SUMF1: variants seen among roughly 807,000 people sequenced by gnomAD.
SUMF1 encodes formylglycine-generating enzyme.
Under a neutral mutation model 47.6 loss-of-function variants are expected in SUMF1, and 48 were observed. The observed-to-expected ratio is 1.01, with a 90% CI of 0.80 to 1.28. The LOEUF is 1.28. Ranked by LOEUF, SUMF1 falls within the 50% of genes most tolerant of loss-of-function variation. SUMF1 has a pLI of 0.00. For synonymous variants in SUMF1, 230 were observed against 192.1 expected, an observed-to-expected ratio of 1.20 and a Z score of -1.63; for missense variants, 571 against 485.4, an observed-to-expected ratio of 1.18 and a Z score of -1.66.
intron 8 of SUMF1, among the ~76,000 whole-genome samples, chr3:4,213,709 G>A (rs1021972351): frequency 2.6e-5 from 4 of 152,138 alleles, no homozygotes; most frequent in African/African-American, 7.2e-5. Context: ...TAAAGGGATG[G>A]AGGAATATTT....
intron 8 of SUMF1, among the ~76,000 whole-genome samples, chr3:4,262,629 C>T (rs887800252): frequency 2.0e-5 from 3 of 152,132 alleles, no homozygotes; most frequent in African/African-American, 7.2e-5. Flanking sequence ...TTAGGCTTTA[C>T]ATTCTATTTT....
At chr3:4,149,782 C>T (rs1441199190) in intron 8 of SUMF1, among the ~76,000 whole-genome samples, 6 of 152,046 alleles carry the variant, frequency 3.9e-5, no homozygotes, top group Non-Finnish European at 7.4e-5. Flanking sequence ...GGCCTGTGGA[C>T]GTGTAGTCCT....
chr3:4,334,806 G>A (rs555645293), intron 8 of SUMF1, among the ~76,000 whole-genome samples: 2 of 152,314 alleles, frequency 1.3e-5, no homozygotes, highest in South Asian at 2.1e-4. Context: ...CTCAAGCCCT[G>A]ATGGGAATTT....
intron 8 of SUMF1, among the ~76,000 whole-genome samples, chr3:4,217,108 C>A (rs1030821762): frequency 6.6e-6 from 1 of 152,062 alleles, no homozygotes; most frequent in Non-Finnish European, 1.5e-5. Context: ...AGACTTGGAA[C>A]CAACCCAAAT....
intron 8 of SUMF1, among the ~76,000 whole-genome samples, chr3:4,137,790 TACTGGAGGTTCTA>T (rs1693976925): frequency 1.3e-5 from 2 of 152,110 alleles, no homozygotes; most frequent in Admixed American, 1.3e-4. Flanking sequence ...TTTACCACTG[TACTGGAGGTTCTA>T]GCCAGAGCAA....
chr3:4,439,377 T>C (rs1702504117), intron 3 of SUMF1, among the ~76,000 whole-genome samples: 1 of 151,104 alleles, frequency 6.6e-6, no homozygotes, highest in Admixed American at 6.6e-5. Context: ...ATACAAAAAT[T>C]AGCCGGGTGT....
chr3:4,431,567 T>A (rs1162714867), intron 3 of SUMF1, among the ~76,000 whole-genome samples: 1 of 152,154 alleles, frequency 6.6e-6, no homozygotes, highest in East Asian at 1.9e-4. Context: ...CCCTCCTCAC[T>A]CTTTGATTGT....
chr3:4,409,595 T>A (rs1196546747), intron 7 of SUMF1, among the ~76,000 whole-genome samples: 1 of 152,220 alleles, frequency 6.6e-6, no homozygotes, highest in Non-Finnish European at 1.5e-5. Flanking sequence ...TATTTCTGAT[T>A]CTGACAGCAA....
At chr3:4,326,352 C>A (rs1442742489) in intron 8 of SUMF1, among the ~76,000 whole-genome samples, 1 of 152,052 alleles carries the variant, frequency 6.6e-6, no homozygotes, top group Non-Finnish European at 1.5e-5. Context: ...TCAAGCACAG[C>A]CAAGAATTTG....
intron 7 of SUMF1, among the ~76,000 whole-genome samples, chr3:4,382,413 A>T (rs1700534838): frequency 6.6e-6 from 1 of 152,182 alleles, no homozygotes; most frequent in Non-Finnish European, 1.5e-5. Context: ...GATTGTAGGA[A>T]ATACAAGGGG....
chr3:4,213,301 CCAGT>C (rs1263003530), intron 8 of SUMF1, among the ~76,000 whole-genome samples: 4 of 152,110 alleles, frequency 2.6e-5, no homozygotes, highest in African/African-American at 9.7e-5. Flanking sequence ...AATTTCATAT[CCAGT>C]CAAACTAAGC....
At chr3:4,149,808 T>C (rs779087658) in intron 8 of SUMF1, among the ~76,000 whole-genome samples, 4 of 152,076 alleles carry the variant, frequency 2.6e-5, no homozygotes, top group Non-Finnish European at 5.9e-5. Context: ...TGCCTAGAGG[T>C]AAAGCAGAGT....
rs146562117 is a variant in SUMF1 at position 4,379,767 on chromosome 3, G to A, written c.955-3378C>T. Among the ~76,000 whole-genome samples the A allele has an allele frequency of 7.1e-3, 1,050 of 148,358 alleles. 16 individuals are homozygous for A. Among genetic ancestry groups the A allele is most frequent in the African/African-American group, 0.025 (1,021 of 40,526 alleles). On this transcript the variant is annotated intron_variant, in intron 7 of 8. Coordinates refer to ENST00000272902, the MANE Select transcript of SUMF1 (RefSeq NM_182760.4). The stretch of plus-strand genomic sequence containing the variant: ...TGAGGCAGGAGAATCACTTGAATCC[G>A]CGAGGCGGAGGTTGCAGTGAGCCGA...
chr3:4,136,020 C>G (rs1412434475), intron 8 of SUMF1, among the ~76,000 whole-genome samples: 2 of 152,016 alleles, frequency 1.3e-5, no homozygotes, highest in Non-Finnish European at 2.9e-5. Flanking sequence ...TGAGTAGGAA[C>G]AATCAATATT....
intron 8 of SUMF1, among the ~76,000 whole-genome samples, chr3:4,254,397 AC>A (rs1163924974): frequency 6.6e-6 from 1 of 150,848 alleles, no homozygotes; most frequent in Non-Finnish European, 1.5e-5. Flanking sequence ...AACTAGAATA[AC>A]CAATACAGAG....
chr3:4,425,108 A>G (rs1307525992), intron 3 of SUMF1, among the ~76,000 whole-genome samples: 2 of 152,168 alleles, frequency 1.3e-5, no homozygotes, highest in Admixed American at 1.3e-4. Context: ...ATAATTAGGG[A>G]AAAAAAGATT....
chr3:4,286,541 GTGC>G (rs1194777745), intron 8 of SUMF1, among the ~76,000 whole-genome samples: 1 of 152,112 alleles, frequency 6.6e-6, no homozygotes, highest in Non-Finnish European at 1.5e-5. Context: ...GAGTAAAATG[GTGC>G]TGAAGGTTTT....
intron 9 of SUMF1, among the ~76,000 whole-genome samples, chr3:4,063,669 C>T (rs373317289): frequency 1.4e-4 from 22 of 152,028 alleles, no homozygotes; most frequent in African/African-American, 4.6e-4. Flanking sequence ...CTGATATCAC[C>T]AATAAAAGTC....
chr3:4,203,906 CT>C (rs1382006136), intron 8 of SUMF1, among the ~76,000 whole-genome samples: 1 of 151,786 alleles, frequency 6.6e-6, no homozygotes, highest in Non-Finnish European at 1.5e-5. Flanking sequence ...TGCTTTTTAA[CT>C]TTTTGATATC....
Sources: allele counts gnomAD v4.1 joint callset (sites outside exome capture counted in the v4.1 genomes callset), GRCh38; gene constraint gnomAD v4.1.1; transcripts MANE v1.5; gene names NCBI Gene and HGNC (gene_info 2026-07-23, HGNC 2026-07-21).